SOX5: variants seen among roughly 807,000 people sequenced by gnomAD.
The protein encoded by SOX5 is transcription factor SOX-5.
Under a neutral mutation model 92.0 loss-of-function variants are expected in SOX5, and 9 were observed. That is an observed-to-expected ratio of 0.10 (90% CI 0.06 to 0.17). The LOEUF (loss-of-function observed/expected upper bound fraction) is 0.17, where lower values mean the gene tolerates loss of function less well. Among genes scored for constraint, SOX5 ranks in the 10% least tolerant of loss-of-function variants. The pLI, the probability that SOX5 is intolerant of heterozygous loss-of-function variation, is 1.00. For missense variants in SOX5, 642 were observed against 944.5 expected (o/e 0.68, Z 4.20); for synonymous variants, 344 against 336.3 (o/e 1.02, Z -0.25).
At chr12:24,284,098 C>T (rs1207224397) in intron 2 of SOX5, among the ~76,000 whole-genome samples, 1 of 152,204 alleles carries the variant, frequency 6.6e-6, no homozygotes, top group Non-Finnish European at 1.5e-5. Flanking sequence ...CATTGTCTGT[C>T]CCCAATCCCA....
intron 3 of SOX5, among the ~76,000 whole-genome samples, chr12:24,234,418 C>G (rs1023357635): frequency 1.3e-5 from 2 of 152,124 alleles, no homozygotes; most frequent in African/African-American, 4.8e-5. Context: ...ATGTTTGTCA[C>G]CAAGCCTGGA....
chr12:24,558,264 G>A (rs1416739871), intron 1 of SOX5, among the ~76,000 whole-genome samples: 2 of 152,222 alleles, frequency 1.3e-5, no homozygotes, highest in Admixed American at 6.5e-5. Flanking sequence ...AAAGCAAAAT[G>A]GACTGTCAAG....
intron 1 of SOX5, among the ~76,000 whole-genome samples, chr12:24,519,067 T>G (rs1034802085): frequency 3.0e-4 from 46 of 152,144 alleles, no homozygotes; most frequent in African/African-American, 1.1e-3. Flanking sequence ...GCCTAGAAAA[T>G]AATGCAGAGC....
intron 4 of SOX5, among the ~76,000 whole-genome samples, chr12:23,995,820 C>T (rs1203942756): frequency 6.6e-6 from 1 of 152,128 alleles, no homozygotes; most frequent in African/African-American, 2.4e-5. Flanking sequence ...TATTTACCTA[C>T]AAAAAATTTT....
intron 1 of SOX5, among the ~76,000 whole-genome samples, chr12:24,538,142 T>C (rs1184553704): frequency 1.3e-5 from 2 of 152,162 alleles, no homozygotes; most frequent in African/African-American, 4.8e-5. Flanking sequence ...CATTTTTGAA[T>C]AGAAAGGCTC....
At chr12:23,666,974 C>A (rs2139460488) in intron 6 of SOX5, among the ~76,000 whole-genome samples, 1 of 152,154 alleles carries the variant, frequency 6.6e-6, no homozygotes, top group South Asian at 2.1e-4. Context: ...AAAAGCCCAC[C>A]ACCTTCAATT....
At chr12:24,083,596 G>A (rs1189806994) in intron 4 of SOX5, among the ~76,000 whole-genome samples, 1 of 152,022 alleles carries the variant, frequency 6.6e-6, no homozygotes, top group Non-Finnish European at 1.5e-5. Context: ...AACTTCCCCA[G>A]AACTATGGGA....
chr12:23,685,729 A>T (rs1403984461), intron 6 of SOX5, among the ~76,000 whole-genome samples: 1 of 151,672 alleles, frequency 6.6e-6, no homozygotes, highest in Non-Finnish European at 1.5e-5. Context: ...CAATACCATG[A>T]TCCCATCCCA....
At chr12:24,020,270 G>A (rs1443776557) in intron 4 of SOX5, among the ~76,000 whole-genome samples, 1 of 152,112 alleles carries the variant, frequency 6.6e-6, no homozygotes, top group Non-Finnish European at 1.5e-5. Flanking sequence ...ATCAATAACT[G>A]AAATTGTGAC....
intron 9 of SOX5, chr12:23,584,667 A>G: frequency 7.4e-7 from 1 of 1,349,340 alleles, no homozygotes. Flanking sequence ...ATTGGTTTAT[A>G]TTTGGGAGAT....
chr12:24,247,800 G>T (rs767325050), intron 3 of SOX5, among the ~76,000 whole-genome samples: 1 of 151,568 alleles, frequency 6.6e-6, no homozygotes, highest in African/African-American at 2.4e-5. Flanking sequence ...ACAGGTGCCC[G>T]CTACTACACC....
chr12:23,706,963 A>ACT (rs1359347975), intron 6 of SOX5, among the ~76,000 whole-genome samples: 1 of 152,116 alleles, frequency 6.6e-6, no homozygotes, highest in African/African-American at 2.4e-5. Flanking sequence ...CTCACTTCAG[A>ACT]CTATATATAC....
chr12:24,556,928 C>G (rs768993552), intron 1 of SOX5, among the ~76,000 whole-genome samples: 1 of 152,058 alleles, frequency 6.6e-6, no homozygotes, highest in Non-Finnish European at 1.5e-5. Context: ...AAACTTCAAA[C>G]GTTATTAATG....
At position 23,578,117 on chromosome 12, in the gene SOX5, CAAAAAAAAAAAAAAAA is replaced by C. The variant is rs1163938652; in HGVS notation, c.1165-2295_1165-2280del. Among the ~76,000 whole-genome samples the C allele has an allele frequency of 8.0e-3, 280 of 34,900 alleles. 11 individuals carry two copies. The East Asian group carries it at 0.14, about 17-fold the overall frequency. The allele number at this position is 34,900 out of a possible 152,430, so 22.9% of individuals were successfully genotyped here. ...CCTGCGCAACAGAGTGAGACTGTGT[CAAAAAAAAAAAAAAAA>C]AAAAAAAAAAAAAAAAACTATAGGG... On this transcript the variant is annotated intron_variant, in intron 9 of 14. Coordinates refer to ENST00000451604, the MANE Select transcript of SOX5 (RefSeq NM_006940.6).
intron 9 of SOX5, among the ~76,000 whole-genome samples, chr12:23,589,084 T>C (rs1005402809): frequency 3.3e-5 from 5 of 152,058 alleles, no homozygotes; most frequent in Middle Eastern, 3.4e-3. Context: ...ATCCCCATCA[T>C]TAAGTGATGT....
At chr12:24,189,884 C>A (rs1267761482) in intron 4 of SOX5, among the ~76,000 whole-genome samples, 1 of 152,086 alleles carries the variant, frequency 6.6e-6, no homozygotes, top group Non-Finnish European at 1.5e-5. Context: ...GAGACACATT[C>A]CAAATTTTAA....
intron 4 of SOX5, among the ~76,000 whole-genome samples, chr12:24,137,294 C>T (rs566647551): frequency 1.2e-4 from 19 of 152,160 alleles, no homozygotes; most frequent in Middle Eastern, 3.4e-3. Flanking sequence ...TGAGGAGGTA[C>T]AAGGTTGGAG....
At chr12:24,025,484 C>A (rs371029745) in intron 4 of SOX5, among the ~76,000 whole-genome samples, 3 of 152,010 alleles carry the variant, frequency 2.0e-5, no homozygotes, top group East Asian at 3.9e-4. Flanking sequence ...AAGAAATTTG[C>A]TAGCAGTTTT....
At chr12:23,943,045 T>C (rs1479943687) in intron 1 of SOX5, among the ~76,000 whole-genome samples, 1 of 152,084 alleles carries the variant, frequency 6.6e-6, no homozygotes, top group Non-Finnish European at 1.5e-5. Context: ...GTAGCCCTAA[T>C]TCGTTAGTAG....
Sources: allele counts gnomAD v4.1 joint callset (sites outside exome capture counted in the v4.1 genomes callset), GRCh38; gene constraint gnomAD v4.1.1; transcripts MANE v1.5; gene names NCBI Gene and HGNC (gene_info 2026-07-23, HGNC 2026-07-21).